The following BCL7A variants were observed in gnomAD, a reference collection of about 807,000 sequenced individuals.
BCL7A encodes the protein BAF chromatin remodeling complex subunit BCL7A.
BCL7A carries 11 observed loss-of-function variants against 28.4 expected under a neutral mutation model. The observed-to-expected ratio is 0.39, with a 90% CI of 0.24 to 0.64. The LOEUF (loss-of-function observed/expected upper bound fraction) is 0.64. Among genes scored for constraint, BCL7A ranks in the 30% least tolerant of loss-of-function variants. BCL7A has a pLI of 0.50. For missense variants in BCL7A, 222 were observed against 274.8 expected (o/e 0.81, Z 1.36); for synonymous variants, 123 against 103.3 (o/e 1.19, Z -1.15).
intron 3 of BCL7A, among the ~76,000 whole-genome samples, chr12:122,037,804 C>A (rs1220883988): frequency 6.6e-6 from 1 of 151,866 alleles, no homozygotes; most frequent in Admixed American, 6.6e-5. Context: ...ACAAAATTAG[C>A]CAGGCGTGGG....
intron 1 of BCL7A, among the ~76,000 whole-genome samples, chr12:122,024,638 C>T (rs192828265): frequency 2.0e-5 from 3 of 152,216 alleles, no homozygotes; most frequent in African/African-American, 4.8e-5. Context: ...TGCATTTCAC[C>T]ACTGGTGGGG....
chr12:122,054,710 A>G, intron 4 of BCL7A, 95 bp from the exon 5 acceptor site: 1 of 1,326,116 alleles, frequency 7.5e-7, no homozygotes, highest in Non-Finnish European at 1.0e-6. Context: ...CTGGCCCCAA[A>G]ACTACCCGAT....
chr12:122,023,918 C>A (rs2135835349), intron 1 of BCL7A, among the ~76,000 whole-genome samples: 1 of 152,292 alleles, frequency 6.6e-6, no homozygotes, highest in South Asian at 2.1e-4. Flanking sequence ...GGGAAACAGC[C>A]GGCAAGCCGC....
intron 1 of BCL7A, among the ~76,000 whole-genome samples, chr12:122,025,626 CAAA>C (rs1225688378): frequency 1.6e-5 from 2 of 125,810 alleles, no homozygotes; most frequent in Admixed American, 8.3e-5. Flanking sequence ...GACTCCATCT[CAAA>C]AAAAAAAAAG....
intron 1 of BCL7A, among the ~76,000 whole-genome samples, chr12:122,030,323 C>G (rs942237867): frequency 2.0e-5 from 3 of 152,238 alleles, no homozygotes; most frequent in African/African-American, 7.2e-5. Context: ...AATCGGCCTG[C>G]TGGCCTGAAG....
At chr12:122,023,853 C>CAAAGAA in intron 1 of BCL7A, among the ~76,000 whole-genome samples, 1 of 152,194 alleles carries the variant, frequency 6.6e-6, no homozygotes, top group East Asian at 1.9e-4. Flanking sequence ...AGCCCCTGTG[C>CAAAGAA]AAAGAAAGAA....
chr12:122,045,113 G>T (rs547587906), intron 4 of BCL7A, among the ~76,000 whole-genome samples: 25 of 152,232 alleles, frequency 1.6e-4, no homozygotes, highest in South Asian at 4.1e-4. Context: ...AGGCGCGGTG[G>T]CTCACGCCTG....
intron 1 of BCL7A, among the ~76,000 whole-genome samples, chr12:122,022,481 G>C (rs1883486747): frequency 6.9e-6 from 1 of 145,374 alleles, no homozygotes. Context: ...GGCCCCCGCC[G>C]CGGCGCTCGG....
rs1883687224 is a variant in BCL7A at position 122,029,068 on chromosome 12, C to T, written c.93-1632C>T. On this transcript the variant is annotated intron_variant, in intron 1 of 5. Transcript: ENST00000261822. This position sits in a 1 kb window ranked among gnomAD's most constrained non-coding sequence, Gnocchi z 4.3. ...GGAGCAGAGAGGCTGGTCTCAACAGCTGTGCTGGGTGAAGGGTTCGAGTGC... is the reference window on the plus strand; with the variant it reads ...GGAGCAGAGAGGCTGGTCTCAACAGTTGTGCTGGGTGAAGGGTTCGAGTGC... Among the ~76,000 whole-genome samples, 1 of 152,196 alleles carries T rather than the reference C, an allele frequency of 6.6e-6. No homozygotes were observed. Among genetic ancestry groups the T allele is most frequent in the Non-Finnish European group, 1.5e-5 (1 of 68,030 alleles).
chr12:122,058,982 C>T, intron 5 of BCL7A, 110 bp from the exon 6 acceptor site: 2 of 919,338 alleles, frequency 2.2e-6, no homozygotes. Flanking sequence ...GTCTGAACCA[C>T]AAAGCCGCCC....
chr12:122,036,014 T>A (rs1480796301), intron 3 of BCL7A, among the ~76,000 whole-genome samples: 1 of 152,076 alleles, frequency 6.6e-6, no homozygotes, highest in Non-Finnish European at 1.5e-5. Flanking sequence ...CCGATTTTTG[T>A]ATTTTTTAGT....
In BCL7A at chr12:122,054,668, GC is replaced by G. The variant is rs1565943038; in HGVS notation, c.440-131del. 4.8e-6 allele frequency: 4 copies of G among 836,938 alleles called. No homozygotes were observed. In the Admixed American group the frequency reaches 7.0e-5, roughly 15 times the overall value. The allele number at this position is 836,938 out of a possible 1,614,324, so 51.8% of individuals were successfully genotyped here. ...CAACAGGAGACTCCCCAGCCCTCCA[GC>G]CCCCCAGCTCATTGTAGCCTTCAAA... On this transcript the variant is annotated intron_variant, in intron 4 of 5. Transcript: ENST00000261822.
At chr12:122,035,146 G>A (rs1463882912) in intron 2 of BCL7A, among the ~76,000 whole-genome samples, 185 bp from the exon 3 acceptor site, 2 of 152,160 alleles carry the variant, frequency 1.3e-5, no homozygotes, top group Admixed American at 1.3e-4. Flanking sequence ...CACAGTGGGC[G>A]AGACCCAGAG....
At chr12:122,028,612 G>T (rs1210707131) in intron 1 of BCL7A, among the ~76,000 whole-genome samples, 1 of 152,148 alleles carries the variant, frequency 6.6e-6, no homozygotes, top group Non-Finnish European at 1.5e-5. Context: ...AATAGCAGGA[G>T]GTGGTGTCTG....
rs565635754 is a variant in BCL7A, at chr12:122,029,559, C to T, written c.93-1141C>T. Among the ~76,000 whole-genome samples the T allele has an allele frequency of 1.3e-5, 2 of 152,298 alleles. No homozygotes were observed. The highest frequency in any genetic ancestry group is 1.3e-4 in the Admixed American group (2 of 15,302). ...TTTGTCACCAAAATTGCTGAGGACT[C>T]GGGCAGCTACGTCGCCTGTACCAGG... is the stretch of plus-strand genomic sequence containing the variant. On this transcript the variant is annotated intron_variant, in intron 1 of 5. Coordinates refer to ENST00000261822, the MANE Select transcript of BCL7A (RefSeq NM_001024808.3). The surrounding 1 kb of genome is among the most constrained non-coding windows in gnomAD (Gnocchi z 4.3).
chr12:122,058,291 G>T (rs1360659935), intron 5 of BCL7A, among the ~76,000 whole-genome samples: 1 of 152,204 alleles, frequency 6.6e-6, no homozygotes, highest in Non-Finnish European at 1.5e-5. Flanking sequence ...GATCACCTGA[G>T]GTCAGGAGTT....
Position 122,029,282 on chromosome 12 carries a change from C to T in BCL7A, c.93-1418C>T, listed in dbSNP as rs181197432. ...GTCCTCTGATGGAACACGTGGGACC[C>T]GAGCGGGCAGGGTTTTTGGGGGTGA... On this transcript the variant is annotated intron_variant, in intron 1 of 5. Transcript: ENST00000261822. The surrounding 1 kb of genome is among the most constrained non-coding windows in gnomAD (Gnocchi z 4.3). Among the ~76,000 whole-genome samples the T allele has an allele frequency of 8.0e-4, 121 of 152,174 alleles. No homozygotes were observed. Among genetic ancestry groups the T allele is most frequent in the African/African-American group, 2.8e-3 (116 of 41,532 alleles).
intron 3 of BCL7A, among the ~76,000 whole-genome samples, chr12:122,040,370 T>C (rs911272504): frequency 1.3e-5 from 2 of 151,674 alleles, no homozygotes; most frequent in African/African-American, 4.8e-5. Flanking sequence ...CCATCTCTAC[T>C]AAAAATACAA....
chr12:122,045,252 G>GCA (rs1175936836), intron 4 of BCL7A, among the ~76,000 whole-genome samples: 1 of 152,166 alleles, frequency 6.6e-6, no homozygotes, highest in Non-Finnish European at 1.5e-5. Flanking sequence ...GTGGTGGCAT[G>GCA]TGCCTGTAAT....
Sources: allele counts gnomAD v4.1 joint callset (sites outside exome capture counted in the v4.1 genomes callset), GRCh38; gene constraint gnomAD v4.1.1; non-coding constraint Gnocchi (gnomAD v3.1); transcripts MANE v1.5; gene names NCBI Gene and HGNC (gene_info 2026-07-23, HGNC 2026-07-21).